Variants in SLC4A10 observed in about 807,000 individuals in gnomAD.
SLC4A10 encodes solute carrier family 4 member 10, also known as sodium-driven chloride bicarbonate exchanger.
SLC4A10 carries 42 observed loss-of-function variants against 137.7 expected under a neutral mutation model. That is an observed-to-expected ratio of 0.30 (90% CI 0.24 to 0.39). The LOEUF is 0.39. SLC4A10 is among the 10% of genes least tolerant of loss of function. The pLI is 1.00. For missense variants in SLC4A10, 925 were observed against 1,355.0 expected (o/e 0.68, Z 4.98); for synonymous variants, 474 against 464.1 (o/e 1.02, Z -0.27).
chr2:161,630,618 T>C (rs1315581603), intron 1 of SLC4A10, among the ~76,000 whole-genome samples: 2 of 151,730 alleles, frequency 1.3e-5, no homozygotes, highest in Non-Finnish European at 3.0e-5. Context: ...AATCTCTTGA[T>C]TATTCATTTA....
chr2:161,784,407 A>T (rs1247480539), intron 2 of SLC4A10, among the ~76,000 whole-genome samples: 5 of 151,862 alleles, frequency 3.3e-5, no homozygotes, highest in Non-Finnish European at 7.4e-5. Context: ...AAATGGACCC[A>T]ATAGACATGA....
chr2:161,653,264 G>A (rs1375789498), intron 1 of SLC4A10, among the ~76,000 whole-genome samples: 1 of 152,104 alleles, frequency 6.6e-6, no homozygotes, highest in Admixed American at 6.5e-5. Flanking sequence ...TGGGCATTTG[G>A]GTTGGTTCCA....
In SLC4A10 at chr2:161,982,353, G is replaced by C. The variant is rs183823482; in HGVS notation, c.*27-826G>C. On this transcript the variant is annotated intron_variant, in intron 26 of 26. Transcript: ENST00000446997. ...TGAACTTCATCCCTGTAATGATATT[G>C]TTTGAATTTTCCATGAAAAATTGTC... is the stretch of plus-strand genomic sequence containing the variant. 2.0e-5 allele frequency among the ~76,000 whole-genome samples: 3 copies of C among 152,228 alleles called. No homozygotes were observed. In the East Asian group the frequency reaches 5.8e-4, roughly 29 times the overall value.
intron 1 of SLC4A10, among the ~76,000 whole-genome samples, chr2:161,639,665 A>C (rs1345234793): frequency 6.6e-6 from 1 of 152,194 alleles, no homozygotes; most frequent in Non-Finnish European, 1.5e-5. Context: ...GGTTAACATC[A>C]TACTTGAATG....
At chr2:161,834,690 CACACACACACAA>C (rs1158887855) in intron 3 of SLC4A10, among the ~76,000 whole-genome samples, 1 of 144,518 alleles carries the variant, frequency 6.9e-6, no homozygotes, top group Non-Finnish European at 1.6e-5. Context: ...CACACACACA[CACACACACACAA>C]AACCTATTAA....
intron 5 of SLC4A10, 46 bp from the exon 6 acceptor site, chr2:161,862,828 T>A (rs1320803049): frequency 6.9e-7 from 1 of 1,455,736 alleles, no homozygotes; most frequent in Non-Finnish European, 9.1e-7. Flanking sequence ...TGGCACACGT[T>A]CTAGAGGAAA....
At chr2:161,872,635 C>T (rs1279721075) in intron 7 of SLC4A10, among the ~76,000 whole-genome samples, 1 of 149,912 alleles carries the variant, frequency 6.7e-6, no homozygotes, top group Admixed American at 6.7e-5. Flanking sequence ...AATGTTATCT[C>T]TTCCAATAAA....
rs1472209289 is a variant in SLC4A10, at chr2:161,882,454, C to A, written c.1194+10C>A. ...CCTAATGACAGATGAGGTATTTATTCAAGTTCTTTGGGAACATTTTCCCCC... is the reference window on the plus strand; with the variant it reads ...CCTAATGACAGATGAGGTATTTATTAAAGTTCTTTGGGAACATTTTCCCCC... On this transcript the variant is annotated intron_variant, in intron 10 of 26. Coordinates refer to ENST00000446997, the MANE Select transcript of SLC4A10 (RefSeq NM_001178015.2). 1.9e-6 allele frequency: 3 copies of A among 1,552,546 alleles called. No individual in the cohort carries two copies. The highest frequency in any genetic ancestry group is 2.4e-5 in the East Asian group (1 of 42,496).
chr2:161,868,194 A>G (rs1281288778), intron 6 of SLC4A10, among the ~76,000 whole-genome samples: 1 of 151,972 alleles, frequency 6.6e-6, no homozygotes, highest in Non-Finnish European at 1.5e-5. Context: ...ATGAGTTAAT[A>G]TAATACTCAA....
chr2:161,980,252 C>T (rs993937631), intron 26 of SLC4A10, among the ~76,000 whole-genome samples: 2 of 152,116 alleles, frequency 1.3e-5, no homozygotes, highest in African/African-American at 4.8e-5. Flanking sequence ...CCCCAACACC[C>T]ACCCCTGCAC....
At chr2:161,964,373 C>A in intron 22 of SLC4A10, 65 bp downstream of exon 22, 1 of 1,500,522 alleles carries the variant, frequency 6.7e-7, no homozygotes, top group Admixed American at 1.8e-5. Context: ...GAAACATAAA[C>A]ACATGAATTG....
chr2:161,648,190 A>T (rs753738175), intron 1 of SLC4A10, among the ~76,000 whole-genome samples: 18 of 92,886 alleles, frequency 1.9e-4, no homozygotes, highest in Non-Finnish European at 4.1e-4. Context: ...TGGAATCTTA[A>T]TGTGGTCAAC....
At position 161,855,210 on chromosome 2, in the gene SLC4A10, G is replaced by A. The variant is rs115481663; in HGVS notation, c.577+80G>A. 3,355 of 1,351,270 alleles carry A rather than the reference G, an allele frequency of 2.5e-3. 6 individuals carry two copies. Among genetic ancestry groups the A allele is most frequent in the Non-Finnish European group, 2.7e-3 (2,670 of 1,000,946 alleles). 83.7% of individuals were successfully genotyped at this position (1,351,270 alleles called of 1,614,324 possible). A position where few individuals can be genotyped will look rare whatever the true frequency, so the allele number is the denominator to read the frequency against. The stretch of plus-strand genomic sequence containing the variant: ...CTCTTTTCCTTATAATTCAATATAC[G>A]TATGAACTTTGGAAAACTAATTCTC... On this transcript the variant is annotated intron_variant, in intron 5 of 26. Transcript: ENST00000446997.
chr2:161,710,453 G>A (rs940518488), intron 1 of SLC4A10, among the ~76,000 whole-genome samples: 1 of 128,088 alleles, frequency 7.8e-6, no homozygotes, highest in East Asian at 2.6e-4. Flanking sequence ...TGAGGATATC[G>A]ATAATTTTGT....
At chr2:161,769,523 A>C (rs140814751) in intron 1 of SLC4A10, among the ~76,000 whole-genome samples, 1 of 152,076 alleles carries the variant, frequency 6.6e-6, no homozygotes, top group Admixed American at 6.6e-5. Flanking sequence ...TCTTCATGAT[A>C]GATCACCTCA....
Position 161,830,830 on chromosome 2 carries a change from G to A in SLC4A10, c.278-8959G>A, listed in dbSNP as rs141204234. ...AAAGATAGATGCAAAATCAATTATTGCACAATTAATTATTAGTTGCAATTG... is the reference window on the plus strand; with the variant it reads ...AAAGATAGATGCAAAATCAATTATTACACAATTAATTATTAGTTGCAATTG... On this transcript the variant is annotated intron_variant, in intron 3 of 26. Coordinates refer to ENST00000446997, the MANE Select transcript of SLC4A10 (RefSeq NM_001178015.2). 3.3e-5 allele frequency among the ~76,000 whole-genome samples: 5 copies of A among 152,158 alleles called. No individual in the cohort carries two copies. In the East Asian group the frequency reaches 9.7e-4, roughly 29 times the overall value.
chr2:161,815,017 A>G, intron 3 of SLC4A10, among the ~76,000 whole-genome samples: 1 of 152,216 alleles, frequency 6.6e-6, no homozygotes, highest in Non-Finnish European at 1.5e-5. Flanking sequence ...AACCTATTTT[A>G]TAACAAAAAT....
intron 11 of SLC4A10, among the ~76,000 whole-genome samples, chr2:161,896,121 T>C (rs2105240493): frequency 6.6e-6 from 1 of 152,332 alleles, no homozygotes; most frequent in East Asian, 1.9e-4. Context: ...CACTTTCAGC[T>C]TTCTACATAT....
chr2:161,827,239 T>A (rs1161041685), intron 3 of SLC4A10, among the ~76,000 whole-genome samples: 1 of 152,214 alleles, frequency 6.6e-6, no homozygotes, highest in East Asian at 1.9e-4. Context: ...ATTGTAATCA[T>A]GTGATATCTT....
Sources: gnomAD v4.1 joint callset for allele counts (sites outside exome capture counted in the v4.1 genomes callset) on GRCh38, gnomAD v4.1.1 for gene constraint, MANE v1.5 for transcripts, NCBI Gene and HGNC (gene_info 2026-07-23, HGNC 2026-07-21) for gene names.